Variants in PCDH15 observed in about 807,000 individuals in gnomAD.
The protein encoded by PCDH15 is protocadherin related 15.
PCDH15 carries 129 observed loss-of-function variants against 178.5 expected under a neutral mutation model. The ratio of observed to expected loss-of-function variants is 0.72; its 90% CI spans 0.63 to 0.84. PCDH15 has a LOEUF of 0.84. Ranked by LOEUF, PCDH15 falls within the 40% of genes least tolerant of loss-of-function variation. PCDH15 has a pLI of 0.00. For synonymous variants in PCDH15, 800 were observed against 732.0 expected (o/e 1.09, Z -1.50); for missense variants, 2,230 against 2,099.9 (o/e 1.06, Z -1.21).
chr10:54,804,050 T>C (rs919253611), upstream of PCDH15, among the ~76,000 whole-genome samples: 3 of 152,190 alleles, frequency 2.0e-5, no homozygotes, highest in African/African-American at 7.2e-5. Context: ...ATTTTCTTTT[T>C]TTTTTTTGAG....
At chr10:54,896,152 T>G (rs1338171932) in intron 3 of PCDH15, among the ~76,000 whole-genome samples, 1 of 152,186 alleles carries the variant, frequency 6.6e-6, no homozygotes, top group Admixed American at 6.5e-5. Context: ...CCCAAAGTGC[T>G]GGGATTGCAA....
At chr10:54,342,721 CA>C (rs1262737944) in intron 6 of PCDH15, among the ~76,000 whole-genome samples, 1 of 152,166 alleles carries the variant, frequency 6.6e-6, no homozygotes, top group Admixed American at 6.5e-5. Context: ...AAGGCAGCTG[CA>C]GGGGCAGTAC....
chr10:55,150,533 T>C (rs1159864361), intron 2 of PCDH15, among the ~76,000 whole-genome samples: 2 of 152,136 alleles, frequency 1.3e-5, no homozygotes, highest in Admixed American at 6.6e-5. Flanking sequence ...AGGTGAATGA[T>C]TCAATTATTT....
At chr10:55,192,228 TC>T (rs1839961937) in intron 1 of PCDH15, among the ~76,000 whole-genome samples, 1 of 151,782 alleles carries the variant, frequency 6.6e-6, no homozygotes, top group East Asian at 1.9e-4. Flanking sequence ...AAATTTTATT[TC>T]CTCTGTCTCT....
At chr10:55,401,539 T>C (rs373598792) in intron 2 of PCDH15, among the ~76,000 whole-genome samples, 16 of 151,530 alleles carry the variant, frequency 1.1e-4, no homozygotes, top group East Asian at 9.7e-4. Context: ...AGAGAATAGA[T>C]TGGGATCACT....
chr10:54,006,802 T>A (rs897367004), intron 20 of PCDH15, among the ~76,000 whole-genome samples: 1 of 152,168 alleles, frequency 6.6e-6, no homozygotes. Context: ...TCACTGTGTT[T>A]AACAACAACC....
intron 1 of PCDH15, among the ~76,000 whole-genome samples, chr10:55,214,639 A>G (rs1840655027): frequency 6.6e-6 from 1 of 150,862 alleles, no homozygotes; most frequent in Non-Finnish European, 1.5e-5. Flanking sequence ...TGTTTCATGG[A>G]CTGTTTTTAT....
intron 2 of PCDH15, among the ~76,000 whole-genome samples, chr10:54,654,657 G>A (rs970326843): frequency 8.5e-5 from 13 of 152,266 alleles, no homozygotes; most frequent in Admixed American, 2.6e-4. Flanking sequence ...ATTATGAATT[G>A]TATAAGTCAT....
chr10:54,026,318 C>T (rs558227653), intron 18 of PCDH15, among the ~76,000 whole-genome samples: 1 of 152,190 alleles, frequency 6.6e-6, no homozygotes, highest in South Asian at 2.1e-4. Flanking sequence ...CATCCTCCCC[C>T]TTTGGCTTCT....
At chr10:54,376,629 G>A (rs1039246546) in intron 4 of PCDH15, among the ~76,000 whole-genome samples, 4 of 151,456 alleles carry the variant, frequency 2.6e-5, no homozygotes, top group Non-Finnish European at 5.9e-5. Context: ...CTATATCAAT[G>A]TAAATAATGT....
At chr10:54,345,939 G>A (rs746000420) in intron 6 of PCDH15, among the ~76,000 whole-genome samples, 4 of 151,900 alleles carry the variant, frequency 2.6e-5, no homozygotes, top group Non-Finnish European at 5.9e-5. Flanking sequence ...GGTTTAACTG[G>A]TGGACGGCTA....
chr10:54,293,663 G>C (rs867777668), intron 8 of PCDH15, among the ~76,000 whole-genome samples: 20 of 152,218 alleles, frequency 1.3e-4, no homozygotes, highest in Non-Finnish European at 2.5e-4. Flanking sequence ...CAAAGGCTAT[G>C]AACAGATTCT....
At chr10:54,199,122 T>C (rs1374367676) in intron 10 of PCDH15, among the ~76,000 whole-genome samples, 3 of 152,180 alleles carry the variant, frequency 2.0e-5, no homozygotes, top group Admixed American at 6.5e-5. Context: ...AAAAATTACA[T>C]ATAAAGGCTC....
intron 1 of PCDH15, among the ~76,000 whole-genome samples, chr10:54,707,918 A>G (rs10825378): frequency 0.47 from 71,294 of 152,028 alleles, 17,332 homozygotes; most frequent in Middle Eastern, 0.55. Context: ...CTTAGCCCCA[A>G]TCACTAGATT....
intron 2 of PCDH15, chr10:55,597,269 C>T (rs185415666): frequency 6.6e-6 from 1 of 151,942 alleles, no homozygotes; most frequent in African/African-American, 2.4e-5. Context: ...CACGCACATA[C>T]GTACGTTCAC....
Position 54,124,130 on chromosome 10 carries a change from C to T in PCDH15, c.1917+8745G>A, listed in dbSNP as rs185700974. Among the ~76,000 whole-genome samples, 300 of 152,058 alleles carry T rather than the reference C, an allele frequency of 2.0e-3. 1 individual carries two copies. The highest frequency in any genetic ancestry group is 3.5e-3 in the Admixed American group (53 of 15,272). ...TCATGTGACATACCCATATAATAAACGTGTACATGTACCCTTTGAATCTAA... is the reference window on the plus strand; with the variant it reads ...TCATGTGACATACCCATATAATAAATGTGTACATGTACCCTTTGAATCTAA... On this transcript the variant is annotated intron_variant, in intron 15 of 37. Coordinates refer to ENST00000644397, the MANE Select transcript of PCDH15 (RefSeq NM_001384140.1).
intron 2 of PCDH15, among the ~76,000 whole-genome samples, chr10:54,548,891 T>C (rs1434808061): frequency 6.6e-6 from 1 of 151,316 alleles, no homozygotes; most frequent in East Asian, 1.9e-4. Context: ...TAATTGCTAG[T>C]GCTAGAATTT....
At chr10:54,221,773 T>G (rs2052845543) in intron 9 of PCDH15, among the ~76,000 whole-genome samples, 2 of 152,082 alleles carry the variant, frequency 1.3e-5, no homozygotes, top group Non-Finnish European at 2.9e-5. Flanking sequence ...CAGCTAATTT[T>G]TGTATTTGTA....
intron 1 of PCDH15, among the ~76,000 whole-genome samples, chr10:54,789,780 A>G (rs995329048): frequency 7.9e-5 from 12 of 151,964 alleles, no homozygotes; most frequent in African/African-American, 2.7e-4. Flanking sequence ...CTCAGTTTAA[A>G]ATTTGTAAAA....
Sources: allele counts gnomAD v4.1 joint callset (sites outside exome capture counted in the v4.1 genomes callset), GRCh38; gene constraint gnomAD v4.1.1; transcripts MANE v1.5; gene names NCBI Gene and HGNC (gene_info 2026-07-23, HGNC 2026-07-21).